The following NIPBL variants were observed in gnomAD, a reference collection of about 807,000 sequenced individuals.
The protein encoded by NIPBL is NIPBL cohesin loading factor, also known as nipped-B-like protein.
In NIPBL, 19 loss-of-function variants were observed where a neutral mutation model predicts 321.8. The observed-to-expected ratio is 0.06, with a 90% CI of 0.04 to 0.09. The LOEUF is 0.09. Among genes scored for constraint, NIPBL ranks in the 10% least tolerant of loss-of-function variants. The pLI is 1.00. For synonymous variants in NIPBL, 1,106 were observed against 1,114.1 expected, an observed-to-expected ratio of 0.99 and a Z score of 0.14; for missense variants, 2,210 against 3,327.0, an observed-to-expected ratio of 0.66 and a Z score of 8.26.
chr5:37,033,715 T>C (rs1407211499), intron 32 of NIPBL, among the ~76,000 whole-genome samples: 6 of 73,710 alleles, frequency 8.1e-5, no homozygotes, highest in African/African-American at 2.0e-4. Flanking sequence ...CATATATATA[T>C]ATATATATAT....
intron 8 of NIPBL, 23 bp downstream of exon 8, chr5:36,972,064 C>T (rs1317201090): frequency 6.7e-7 from 1 of 1,491,330 alleles, no homozygotes; most frequent in Non-Finnish European, 9.4e-7. Context: ...CTAAAATTTC[C>T]TTCTGTATAT....
chr5:36,968,109 A>AC (rs1742432394), intron 6 of NIPBL, among the ~76,000 whole-genome samples: 1 of 149,010 alleles, frequency 6.7e-6, no homozygotes, highest in African/African-American at 2.5e-5. Flanking sequence ...AAAAAAAAAA[A>AC]AACAAAAAAC....
intron 1 of NIPBL, among the ~76,000 whole-genome samples, chr5:36,940,954 T>A (rs992285505): frequency 2.0e-5 from 3 of 152,194 alleles, no homozygotes; most frequent in Admixed American, 6.5e-5. Context: ...TCACCCCTAC[T>A]GGACTCTAAG....
At chr5:36,974,214 A>G (rs1051802786) in intron 8 of NIPBL, among the ~76,000 whole-genome samples, 3 of 152,190 alleles carry the variant, frequency 2.0e-5, no homozygotes, top group African/African-American at 7.2e-5. Context: ...TAAATAGTAG[A>G]TGAACTTTAG....
At chr5:36,912,950 A>G (rs1748162495) in intron 1 of NIPBL, among the ~76,000 whole-genome samples, 1 of 152,214 alleles carries the variant, frequency 6.6e-6, no homozygotes, top group Non-Finnish European at 1.5e-5. Context: ...AAATCAAAGC[A>G]ATCCTAGTTG....
intron 9 of NIPBL, among the ~76,000 whole-genome samples, chr5:36,983,200 A>G (rs1744342694): frequency 6.6e-6 from 1 of 151,912 alleles, no homozygotes; most frequent in Admixed American, 6.6e-5. Context: ...CAATCTAATG[A>G]TAATATATTA....
chr5:36,983,311 ATAAC>A (rs1385529761), intron 9 of NIPBL, among the ~76,000 whole-genome samples: 3 of 151,958 alleles, frequency 2.0e-5, no homozygotes, highest in African/African-American at 7.2e-5. Flanking sequence ...TTTACAAAAT[ATAAC>A]TAACAAATAT....
chr5:36,977,167 G>A (rs1232452723), intron 9 of NIPBL, among the ~76,000 whole-genome samples: 1 of 151,932 alleles, frequency 6.6e-6, no homozygotes, highest in East Asian at 1.9e-4. Context: ...ATTCAAATTA[G>A]CAATATAATT....
At chr5:36,940,412 TCTCCC>T (rs1265628322) in intron 1 of NIPBL, among the ~76,000 whole-genome samples, 1 of 152,166 alleles carries the variant, frequency 6.6e-6, no homozygotes, top group African/African-American at 2.4e-5. Context: ...ACGTACCTTT[TCTCCC>T]TCATCTTGTG....
intron 24 of NIPBL, among the ~76,000 whole-genome samples, chr5:37,017,747 C>T (rs761328355): frequency 5.3e-5 from 8 of 151,404 alleles, no homozygotes; most frequent in Non-Finnish European, 1.0e-4. Flanking sequence ...TAATCATATC[C>T]ATGTTGGTAG....
chr5:36,894,091 CTTCTTT>C (rs1324353580), intron 1 of NIPBL, among the ~76,000 whole-genome samples: 1 of 152,120 alleles, frequency 6.6e-6, no homozygotes, highest in Non-Finnish European at 1.5e-5. Context: ...GCAAATACTT[CTTCTTT>C]ATTAGTTCAT....
chr5:36,907,641 A>C (rs1747739975), intron 1 of NIPBL, among the ~76,000 whole-genome samples: 1 of 152,188 alleles, frequency 6.6e-6, no homozygotes, highest in African/African-American at 2.4e-5. Context: ...AGCATACAGT[A>C]GTTGCATTAG....
chr5:36,919,835 T>G (rs1748781708), intron 1 of NIPBL, among the ~76,000 whole-genome samples: 1 of 152,128 alleles, frequency 6.6e-6, no homozygotes, highest in Non-Finnish European at 1.5e-5. Flanking sequence ...CACAAATAGG[T>G]GTCTGCAGCT....
rs150683463 is a variant in NIPBL, at chr5:37,016,072, C to T, written c.4678C>T (p.Pro1560Ser). 9 of 1,613,754 alleles carry T rather than the reference C, an allele frequency of 5.6e-6. No individual in the cohort carries two copies. Among genetic ancestry groups the T allele is most frequent in the Non-Finnish European group, 7.6e-6 (9 of 1,179,892 alleles). ...TAAGCAAGGTGAAGAAGATTACAGA[C>T]CACTGTTTGAAAATTTTGTTCAAGA... The part of the protein sequence containing the change: ...GSKQGEEDYR[P>S]LFENFVQDLL... The change falls in exon 23 of 47, where the codon CCA becomes TCA. Residue 1560 changes from proline (P) to serine (S), a missense_variant. By Grantham distance (74) the Pro-to-Ser change is moderately conservative (BLOSUM62 -1). Around this residue, in one of 14 missense-constraint regions of NIPBL, gnomAD observed 28 missense variants for 91.3 expected, o/e 0.31. Coordinates refer to ENST00000282516, the MANE Select transcript of NIPBL (RefSeq NM_133433.4).
intron 10 of NIPBL, among the ~76,000 whole-genome samples, chr5:36,990,434 A>AT (rs3836804): frequency 0.56 from 85,747 of 152,010 alleles, 26,225 homozygotes; most frequent in African/African-American, 0.82. Flanking sequence ...TAATTCCTAA[A>AT]TGAGGAATTT....
intron 32 of NIPBL, among the ~76,000 whole-genome samples, chr5:37,032,676 G>A (rs1751203048): frequency 6.6e-6 from 1 of 152,146 alleles, no homozygotes; most frequent in African/African-American, 2.4e-5. Context: ...GTGGGAGGCA[G>A]AGGCAGGAGG....
intron 6 of NIPBL, among the ~76,000 whole-genome samples, chr5:36,967,176 A>C (rs996710703): frequency 2.0e-5 from 3 of 152,148 alleles, no homozygotes; most frequent in Admixed American, 6.5e-5. Context: ...GTCGATACAG[A>C]AAGATTTAAT....
rs571380847 is a variant in NIPBL at position 37,008,779 on chromosome 5, G to A, written c.4421+56G>A. The A allele has an allele frequency of 8.3e-4, 728 of 881,772 alleles. 1 individual carries two copies. Among genetic ancestry groups the A allele is most frequent in the Non-Finnish European group, 1.2e-3 (631 of 516,866 alleles). The allele number at this position is 881,772 out of a possible 1,614,324, so 54.6% of individuals were successfully genotyped here. Reference sequence around the variant, plus strand: ...TGAAGAACCACCATTATATTGAACCGTCATACATTTATTCTTCATTTCTGT... The same window carrying A: ...TGAAGAACCACCATTATATTGAACCATCATACATTTATTCTTCATTTCTGT... On this transcript the variant is annotated intron_variant, in intron 20 of 46. Coordinates refer to ENST00000282516, the MANE Select transcript of NIPBL (RefSeq NM_133433.4).
At chr5:37,007,187 T>G in intron 17 of NIPBL, 136 bp from the exon 18 acceptor site, 1 of 697,580 alleles carries the variant, frequency 1.4e-6, no homozygotes, top group South Asian at 1.8e-5. Context: ...TCTATTTTAA[T>G]AAATAAAAAG....
Sources: gnomAD v4.1 joint callset for allele counts (sites outside exome capture counted in the v4.1 genomes callset) on GRCh38, gnomAD v4.1.1 for gene constraint, gnomAD v4.1.1 regional missense constraint, MANE v1.5 for transcripts, NCBI Gene and HGNC (gene_info 2026-07-23, HGNC 2026-07-21) for gene names.